DGLUCY: variants seen among roughly 807,000 people sequenced by gnomAD.
DGLUCY encodes D-glutamate cyclase, mitochondrial.
Under a neutral mutation model 58.5 loss-of-function variants are expected in DGLUCY, and 58 were observed. The ratio of observed to expected loss-of-function variants is 0.99; its 90% confidence interval spans 0.80 to 1.23. The LOEUF (loss-of-function observed/expected upper bound fraction) is 1.23. Ranked by LOEUF, DGLUCY falls within the 50% of genes most tolerant of loss-of-function variation. DGLUCY has a pLI of 0.00. For synonymous variants in DGLUCY, 325 were observed against 314.1 expected (o/e 1.03, Z -0.37); for missense variants, 779 against 784.7 (o/e 0.99, Z 0.09).
intron 1 of DGLUCY, among the ~76,000 whole-genome samples, chr14:91,095,439 C>T (rs896633604): frequency 6.6e-6 from 1 of 152,134 alleles, no homozygotes; most frequent in Non-Finnish European, 1.5e-5. Flanking sequence ...TGCTTGTCAC[C>T]GCATCTTTAC....
chr14:91,083,852 T>A (rs2044168709), intron 1 of DGLUCY, among the ~76,000 whole-genome samples: 1 of 152,122 alleles, frequency 6.6e-6, no homozygotes, highest in Admixed American at 6.6e-5. Flanking sequence ...TGGCCCCCAA[T>A]CTAATGTAGC....
At chr14:91,155,577 A>C (rs2047571538) in intron 1 of DGLUCY, among the ~76,000 whole-genome samples, 1 of 152,162 alleles carries the variant, frequency 6.6e-6, no homozygotes, top group African/African-American at 2.4e-5. Context: ...TGAGAGGCCA[A>C]GGCTGACTGA....
At chr14:91,064,639 A>AT (rs1167327384) in intron 1 of DGLUCY, among the ~76,000 whole-genome samples, 1 of 150,768 alleles carries the variant, frequency 6.6e-6, no homozygotes, top group Non-Finnish European at 1.5e-5. Context: ...AAAAAAAAAA[A>AT]AAAAGAAAAG....
intron 1 of DGLUCY, among the ~76,000 whole-genome samples, chr14:91,137,139 T>G (rs1408308100): frequency 2.0e-5 from 3 of 151,668 alleles, no homozygotes; most frequent in East Asian, 1.9e-4. Flanking sequence ...GTTCAGGTTT[T>G]TTTTTTTTTT....
chr14:91,115,175 G>A (rs1882864431), intron 1 of DGLUCY: 1 of 152,562 alleles, frequency 6.6e-6, no homozygotes, highest in African/African-American at 2.4e-5. Flanking sequence ...GAAGAATGTT[G>A]GCATTGATTG....
intron 12 of DGLUCY, 140 bp from the exon 13 acceptor site, chr14:91,215,265 G>A (rs28625887): frequency 0.09 from 123,643 of 1,379,760 alleles, 7,922 homozygotes; most frequent in African/African-American, 0.28. Context: ...CAAAGAATTT[G>A]TGTTTCTAGC....
intron 1 of DGLUCY, among the ~76,000 whole-genome samples, chr14:91,144,364 G>A (rs1420255170): frequency 6.6e-5 from 10 of 152,108 alleles, no homozygotes; most frequent in Admixed American, 2.6e-4. Flanking sequence ...GTTTGAGACC[G>A]GCCTGACCAA....
chr14:91,158,831 C>CTT (rs1304125904), intron 2 of DGLUCY: 30 of 138,314 alleles, frequency 2.2e-4, no homozygotes, highest in East Asian at 6.3e-4. Context: ...TAAAACCTAT[C>CTT]TTTTTTTTTT....
At chr14:91,157,119 GTGGATGGATGGA>G (rs57118948) in intron 1 of DGLUCY, among the ~76,000 whole-genome samples, 4 of 131,054 alleles carry the variant, frequency 3.1e-5, no homozygotes, top group South Asian at 2.6e-4. Flanking sequence ...GGATGGATGG[GTGGATGGATGGA>G]TGGATGGATG....
rs189093884 is a variant in DGLUCY, at chr14:91,179,848, T to A, written c.731-1338T>A. On this transcript the variant is annotated intron_variant, in intron 7 of 13. Coordinates refer to ENST00000256324, the MANE Select transcript of DGLUCY (RefSeq NM_001102368.3). Reference sequence around the variant, plus strand: ...TGAACACTTTCTTAAAAATTTATTTTTTTTTTTTACATTTTTAAACCACGA... The same window carrying A: ...TGAACACTTTCTTAAAAATTTATTTATTTTTTTTACATTTTTAAACCACGA... Among the ~76,000 whole-genome samples the A allele has an allele frequency of 4.0e-3, 605 of 152,060 alleles. 7 individuals carry two copies. Among genetic ancestry groups the A allele is most frequent in the African/African-American group, 0.012 (487 of 41,496 alleles).
At chr14:91,118,974 A>T (rs1314848357) in intron 1 of DGLUCY, among the ~76,000 whole-genome samples, 1 of 152,144 alleles carries the variant, frequency 6.6e-6, no homozygotes, top group African/African-American at 2.4e-5. Context: ...AGTTAAAAAA[A>T]ATTTTTTTAA....
At chr14:91,064,622 C>CAAAAAA (rs35830145) in intron 1 of DGLUCY, among the ~76,000 whole-genome samples, 53 of 57,148 alleles carry the variant, frequency 9.3e-4, no homozygotes, top group South Asian at 1.3e-3. Flanking sequence ...GACTCTGTCT[C>CAAAAAA]AAAAAAAAAA....
chr14:91,068,593 C>T (rs1449190301), intron 1 of DGLUCY, among the ~76,000 whole-genome samples: 3 of 152,072 alleles, frequency 2.0e-5, no homozygotes, highest in African/African-American at 7.2e-5. Flanking sequence ...CACTTGAACC[C>T]GGGAGGTGGA....
chr14:91,081,381 G>A (rs1269394151), intron 1 of DGLUCY, among the ~76,000 whole-genome samples: 1 of 152,238 alleles, frequency 6.6e-6, no homozygotes, highest in Non-Finnish European at 1.5e-5. Context: ...TTCATCATAA[G>A]TAATAGGGAT....
intron 1 of DGLUCY, among the ~76,000 whole-genome samples, chr14:91,149,254 A>G (rs1402958748): frequency 2.6e-5 from 4 of 152,036 alleles, no homozygotes; most frequent in Admixed American, 6.6e-5. Flanking sequence ...TCTCAAAAAA[A>G]AAAAAAAGAA....
chr14:91,205,839 C>CTT (rs1344853744), intron 12 of DGLUCY, among the ~76,000 whole-genome samples: 2 of 79,764 alleles, frequency 2.5e-5, no homozygotes, highest in African/African-American at 9.3e-5. Context: ...CTTTCTTCTT[C>CTT]TTCTTTTTTT....
intron 9 of DGLUCY, 60 bp downstream of exon 9, chr14:91,189,230 A>C (rs1290094091): frequency 1.3e-6 from 2 of 1,596,548 alleles, no homozygotes; most frequent in Non-Finnish European, 1.7e-6. Flanking sequence ...CGGAGGCTGG[A>C]GGGAATCAGC....
At chr14:91,060,780 G>C (rs1472278354) in intron 1 of DGLUCY, 1 of 197,458 alleles carries the variant, frequency 5.1e-6, no homozygotes, top group Non-Finnish European at 1.0e-5. Flanking sequence ...TTCCCATTGG[G>C]CAGTACGCTG....
chr14:91,193,188 GC>G (rs1452648835), intron 9 of DGLUCY, among the ~76,000 whole-genome samples: 1 of 152,220 alleles, frequency 6.6e-6, no homozygotes, highest in Non-Finnish European at 1.5e-5. Flanking sequence ...AAGGCAAGGG[GC>G]CGTGTTTCCG....
Sources: gnomAD v4.1 joint callset for allele counts (sites outside exome capture counted in the v4.1 genomes callset) on GRCh38, gnomAD v4.1.1 for gene constraint, MANE v1.5 for transcripts, NCBI Gene and HGNC (gene_info 2026-07-23, HGNC 2026-07-21) for gene names.